Variants in LCLAT1 observed in about 807,000 individuals in gnomAD.
LCLAT1 encodes the protein lysocardiolipin acyltransferase 1.
A neutral mutation model predicts 30.7 loss-of-function variants in LCLAT1; 11 were observed. That is an observed-to-expected ratio of 0.36 (90% CI 0.23 to 0.59). The LOEUF (loss-of-function observed/expected upper bound fraction) is 0.59. Ranked by LOEUF, LCLAT1 falls within the 20% of genes least tolerant of loss-of-function variation. The pLI is 0.77. For missense variants in LCLAT1, 402 were observed against 458.6 expected (o/e 0.88, Z 1.13); for synonymous variants, 155 against 151.3 (o/e 1.02, Z -0.18).
chr2:30,554,306 TA>T (rs1414389448), intron 3 of LCLAT1, among the ~76,000 whole-genome samples: 2 of 152,204 alleles, frequency 1.3e-5, no homozygotes, highest in African/African-American at 4.8e-5. Flanking sequence ...AGTAAACATT[TA>T]AGGAAAATGT....
intron 5 of LCLAT1, among the ~76,000 whole-genome samples, chr2:30,571,700 G>A (rs1472655491): frequency 6.6e-6 from 1 of 152,098 alleles, no homozygotes; most frequent in African/African-American, 2.4e-5. Context: ...CTGAAATACT[G>A]GGTGCATTAT....
chr2:30,513,652 G>A lies in LCLAT1; in HGVS notation c.-4-11935G>A, dbSNP rs141610670. The stretch of plus-strand genomic sequence containing the variant: ...CCCAAATCACTAAGCTAAAGGAAGA[G>A]GTCAAGCTGGGAACTGCTTAGAGCA... On this transcript the variant is annotated intron_variant, in intron 1 of 5. Coordinates refer to ENST00000379509, the MANE Select transcript of LCLAT1 (RefSeq NM_001002257.3). Among the ~76,000 whole-genome samples, 1,056 of 152,252 alleles carry A rather than the reference G, an allele frequency of 6.9e-3. 11 individuals carry two copies. Among genetic ancestry groups the A allele is most frequent in the African/African-American group, 0.024 (1,002 of 41,552 alleles).
intron 5 of LCLAT1, among the ~76,000 whole-genome samples, chr2:30,573,854 A>G (rs1242176512): frequency 6.6e-6 from 1 of 152,206 alleles, no homozygotes; most frequent in Non-Finnish European, 1.5e-5. Flanking sequence ...GAGCCTATCA[A>G]CTAATTGGTC....
At chr2:30,475,644 A>G (rs1483796141) in intron 1 of LCLAT1, among the ~76,000 whole-genome samples, 2 of 152,196 alleles carry the variant, frequency 1.3e-5, no homozygotes, top group Non-Finnish European at 2.9e-5. Flanking sequence ...TGCCTGTTTT[A>G]TACAACTCAG....
intron 5 of LCLAT1, among the ~76,000 whole-genome samples, chr2:30,579,794 C>G (rs1407589777): frequency 1.3e-5 from 2 of 152,068 alleles, no homozygotes; most frequent in African/African-American, 2.4e-5. Flanking sequence ...TGTGAAAGTT[C>G]TAGTATTTAT....
chr2:30,621,035 A>C (rs1668223575), intron 5 of LCLAT1, among the ~76,000 whole-genome samples: 1 of 152,156 alleles, frequency 6.6e-6, no homozygotes, highest in South Asian at 2.1e-4. Context: ...TCCTTATCTT[A>C]AATCTGCTAT....
intron 1 of LCLAT1, among the ~76,000 whole-genome samples, chr2:30,504,040 G>T (rs1297626010): frequency 3.9e-5 from 6 of 152,080 alleles, no homozygotes; most frequent in Non-Finnish European, 1.5e-5. Context: ...TGTGAGCAGA[G>T]AAAATTTCTG....
At chr2:30,572,630 T>C (rs1665831918) in intron 5 of LCLAT1, among the ~76,000 whole-genome samples, 1 of 152,204 alleles carries the variant, frequency 6.6e-6, no homozygotes, top group Non-Finnish European at 1.5e-5. Flanking sequence ...CTCAAGTCTT[T>C]TTGATTCCAG....
intron 1 of LCLAT1, among the ~76,000 whole-genome samples, chr2:30,461,931 C>T (rs956172487): frequency 4.6e-5 from 7 of 151,240 alleles, no homozygotes; most frequent in Non-Finnish European, 7.4e-5. Flanking sequence ...CCACCACGCC[C>T]GGCTAATTTT....
intron 1 of LCLAT1, among the ~76,000 whole-genome samples, chr2:30,464,335 A>C (rs1682315222): frequency 6.6e-6 from 1 of 152,144 alleles, no homozygotes; most frequent in Admixed American, 6.5e-5. Context: ...ATGGAATGAA[A>C]CTGCTTGATT....
At chr2:30,554,135 ATAT>A in intron 3 of LCLAT1, among the ~76,000 whole-genome samples, 1 of 152,358 alleles carries the variant, frequency 6.6e-6, no homozygotes, top group East Asian at 1.9e-4. Flanking sequence ...ATGTAACAAA[ATAT>A]TAGAAAAGTT....
chr2:30,566,784 C>T (rs1028858027), intron 4 of LCLAT1, among the ~76,000 whole-genome samples: 14 of 152,180 alleles, frequency 9.2e-5, no homozygotes, highest in Non-Finnish European at 1.8e-4. Flanking sequence ...AATGTATTTG[C>T]TGAATAATGG....
intron 5 of LCLAT1, among the ~76,000 whole-genome samples, chr2:30,630,166 T>G (rs866227873): frequency 3.9e-5 from 6 of 152,206 alleles, no homozygotes; most frequent in South Asian, 4.1e-4. Context: ...TGATATTCTT[T>G]GGACATGAAC....
chr2:30,595,787 C>G (rs1666903938), intron 5 of LCLAT1, among the ~76,000 whole-genome samples: 1 of 152,134 alleles, frequency 6.6e-6, no homozygotes, highest in Non-Finnish European at 1.5e-5. Flanking sequence ...CTGATGCTTT[C>G]CCCCACTCCC....
chr2:30,478,068 A>AT (rs1203827257), intron 1 of LCLAT1, among the ~76,000 whole-genome samples: 1 of 141,714 alleles, frequency 7.1e-6, no homozygotes, highest in Non-Finnish European at 1.5e-5. Context: ...TTAGTGAGGG[A>AT]TTAAAAAAAA....
chr2:30,529,419 CT>C (rs1192352722), intron 2 of LCLAT1, among the ~76,000 whole-genome samples: 1 of 152,192 alleles, frequency 6.6e-6, no homozygotes, highest in Non-Finnish European at 1.5e-5. Flanking sequence ...ACCATTCAGT[CT>C]TTCTTTGAAT....
chr2:30,531,844 A>G (rs1685999163), intron 2 of LCLAT1, among the ~76,000 whole-genome samples: 1 of 152,172 alleles, frequency 6.6e-6, no homozygotes, highest in African/African-American at 2.4e-5. Context: ...TTTGTTGTGA[A>G]GTATAGCAAA....
intron 5 of LCLAT1, among the ~76,000 whole-genome samples, chr2:30,613,066 A>G (rs1345186282): frequency 2.0e-5 from 3 of 152,152 alleles, no homozygotes; most frequent in Non-Finnish European, 2.9e-5. Flanking sequence ...TAGTAGAAGG[A>G]ACAATAACGT....
intron 5 of LCLAT1, among the ~76,000 whole-genome samples, chr2:30,610,665 G>A (rs1667693238): frequency 6.6e-6 from 1 of 152,034 alleles, no homozygotes; most frequent in Non-Finnish European, 1.5e-5. Context: ...AAACAATATG[G>A]ATTCTGTTTT....
Sources: allele counts gnomAD v4.1 joint callset (sites outside exome capture counted in the v4.1 genomes callset), GRCh38; gene constraint gnomAD v4.1.1; transcripts MANE v1.5; gene names NCBI Gene and HGNC (gene_info 2026-07-23, HGNC 2026-07-21).